KASH5: variants seen among roughly 807,000 people sequenced by gnomAD.
KASH5 encodes protein KASH5.
KASH5 carries 72 observed loss-of-function variants against 84.2 expected under a neutral mutation model. The ratio of observed to expected loss-of-function variants is 0.85; its 90% CI spans 0.71 to 1.04. The LOEUF (loss-of-function observed/expected upper bound fraction) is 1.04, where lower values mean the gene tolerates loss of function less well. KASH5 is among the 50% of genes least tolerant of loss of function. KASH5 has a pLI of 0.00. For missense variants in KASH5, 650 were observed against 701.0 expected (o/e 0.93, Z 0.82); for synonymous variants, 260 against 279.1 (o/e 0.93, Z 0.68).
chr19:49,407,612 C>A lies in KASH5; in HGVS notation c.934C>A (p.Arg312Ser). 1 of 1,593,528 alleles carries A rather than the reference C, an allele frequency of 6.3e-7. No individual in the cohort carries two copies. The highest frequency in any genetic ancestry group is 8.5e-7 in the Non-Finnish European group (1 of 1,170,300). ...ICQRDTILSE[R>S]TRDVESLAQT... ...CTCATTTGGCTTTCGGCTTTCCTAG[C>A]GCACTCGCGATGTGGAGAGCCTGGC... Residue 312 changes from arginine to serine, a missense_variant and splice_region_variant, in exon 12 of 20, where the codon CGC becomes AGC. Physicochemically the swap from Arg to Ser is moderately radical, Grantham distance 110. Transcript: ENST00000447857.
chr19:49,394,678 C>G, intron 3 of KASH5, 98 bp downstream of exon 3: 1 of 887,670 alleles, frequency 1.1e-6, no homozygotes, highest in Non-Finnish European at 1.8e-6. Flanking sequence ...GCTAAGGCCC[C>G]CTCTTGGGGG....
In KASH5 at chr19:49,399,174, T is replaced by C. The variant is rs1201583296; in HGVS notation, c.747+32T>C. 1 of 1,512,368 alleles carries C rather than the reference T, an allele frequency of 6.6e-7. No individual in the cohort carries two copies. The highest frequency in any genetic ancestry group is 1.4e-5 in the African/African-American group (1 of 71,434). The allele number at this position is 1,512,368 out of a possible 1,614,324, so 93.7% of individuals were successfully genotyped here. Reference sequence around the variant, plus strand: ...CTGGCCCAGGGGAAGGAAGGTGCCCTCTCTCTTCTTTGTTTCCTGGAGTCA... The same window carrying C: ...CTGGCCCAGGGGAAGGAAGGTGCCCCCTCTCTTCTTTGTTTCCTGGAGTCA... On this transcript the variant is annotated intron_variant, in intron 8 of 19. Transcript: ENST00000447857. This position sits in a 1 kb window ranked among gnomAD's most constrained non-coding sequence, Gnocchi z 4.4.
rs1177735545 is a variant in KASH5 at position 49,409,265 on chromosome 19, G to C, written c.1128G>C (p.Glu376Asp). Residue 376 changes from glutamate (E) to aspartate (D), a missense_variant, in exon 14 of 20, where the codon GAG (glutamate) becomes GAC (aspartate). Transcript: ENST00000447857. ...TELLPPSLGLEIEAIRQKQEV... is the reference protein window; with the variant it reads ...TELLPPSLGLDIEAIRQKQEV... ...TGCTACCCCCATCGCTGGGCTTGGA[G>C]ATCGAGGCCATTCGACAGGTGGGCC... The C allele has an allele frequency of 6.2e-7, 1 of 1,613,930 alleles. No individual in the cohort carries two copies. Among genetic ancestry groups the C allele is most frequent in the Non-Finnish European group, 8.5e-7 (1 of 1,179,854 alleles).
chr19:49,415,925 TGGGGGTAG>T (rs1333367844), intron 17 of KASH5, among the ~76,000 whole-genome samples: 2 of 152,070 alleles, frequency 1.3e-5, no homozygotes, highest in Non-Finnish European at 2.9e-5. Flanking sequence ...TAAAAAGGTA[TGGGGGTAG>T]GAAAGCCAAA....
In KASH5 at chr19:49,412,905, CT is replaced by C. The variant is rs1046676587; in HGVS notation, c.1270-62del. On this transcript the variant is annotated intron_variant, in intron 15 of 19. Coordinates refer to ENST00000447857, the MANE Select transcript of KASH5 (RefSeq NM_144688.5). This position sits in a 1 kb window ranked among gnomAD's most constrained non-coding sequence, Gnocchi z 4.6. ...GGACCGGCGGGGGAGACAGTGGGCA[CT>C]GTTAGGGTTGGAGCTTTGAGTGAGA... The C allele has an allele frequency of 1.2e-5, 18 of 1,552,638 alleles. No individual in the cohort carries two copies. Among genetic ancestry groups the C allele is most frequent in the Middle Eastern group, 1.7e-4 (1 of 5,916 alleles).
chr19:49,411,670 C>T (rs538283873), intron 15 of KASH5, among the ~76,000 whole-genome samples: 57 of 152,094 alleles, frequency 3.7e-4, no homozygotes, highest in Non-Finnish European at 6.9e-4. Context: ...GCGATGGGCC[C>T]AGGGATACAG....
In KASH5 at chr19:49,407,288, C is replaced by G; in HGVS notation, c.925C>G (p.Leu309Val). Residue 309 changes from leucine (L) to valine (V), a missense_variant, in exon 11 of 20, where the codon CTC (leucine) becomes GTC (valine). Transcript: ENST00000447857. The part of the protein sequence containing the change: ...EHLICQRDTI[L>V]SERTRDVESL... ...CCTCATTTGCCAAAGAGACACCATC[C>G]TCTCTGAGGTAAGGGGCCCCGGGAG... The G allele has an allele frequency of 6.2e-7, 1 of 1,613,860 alleles. No homozygotes were observed. The highest frequency in any genetic ancestry group is 1.7e-5 in the Admixed American group (1 of 60,006).
chr19:49,397,538 C>A lies in KASH5; in HGVS notation c.401-113C>A, dbSNP rs1600906990. 4.4e-6 allele frequency: 4 copies of A among 908,302 alleles called. No individual in the cohort carries two copies. In the East Asian group the frequency reaches 7.3e-5, roughly 17 times the overall value. The allele number at this position is 908,302 out of a possible 1,614,324, so 56.3% of individuals were successfully genotyped here. On this transcript the variant is annotated intron_variant, in intron 5 of 19. Transcript: ENST00000447857. The stretch of plus-strand genomic sequence containing the variant: ...TGCAGCCCCAAAAGCCCATGAGATT[C>A]TCCAGAGCACAGGTGAGGGTGGAGG...
At chr19:49,397,761 T>A in intron 6 of KASH5, 44 bp downstream of exon 6, 1 of 1,596,686 alleles carries the variant, frequency 6.3e-7, no homozygotes, top group South Asian at 1.1e-5. Flanking sequence ...GCCCACACCC[T>A]GTCCCCTCCA....
Position 49,395,672 on chromosome 19 carries a change from C to G in KASH5, c.336-97C>G. Reference sequence around the variant, plus strand: ...CCTGTGGTGCCAGCTCTCACCTGACCCGGTCCCCTCCTCCCACCTGCAATC... The same window carrying G: ...CCTGTGGTGCCAGCTCTCACCTGACGCGGTCCCCTCCTCCCACCTGCAATC... On this transcript the variant is annotated intron_variant, in intron 4 of 19. Transcript: ENST00000447857. The surrounding 1 kb of genome is among the most constrained non-coding windows in gnomAD (Gnocchi z 4.4). 3 of 1,271,348 alleles carry G rather than the reference C, an allele frequency of 2.4e-6. No individual in the cohort carries two copies. In the South Asian group the frequency reaches 4.0e-5, roughly 17 times the overall value. 78.8% of individuals were successfully genotyped at this position (1,271,348 alleles called of 1,614,324 possible). A position where few individuals can be genotyped will look rare whatever the true frequency, so the allele number is the denominator to read the frequency against.
At chr19:49,413,517 C>G (rs1295819328) in intron 16 of KASH5, among the ~76,000 whole-genome samples, 1 of 152,160 alleles carries the variant, frequency 6.6e-6, no homozygotes, top group African/African-American at 2.4e-5. Context: ...CCCTCTCCCC[C>G]TCCCCTCTTT....
intron 17 of KASH5, 96 bp downstream of exon 17, chr19:49,415,092 C>A: frequency 8.5e-7 from 1 of 1,174,612 alleles, no homozygotes; most frequent in Non-Finnish European, 1.2e-6. Flanking sequence ...GCCTCACACT[C>A]CAACTCCTCA....
chr19:49,412,944 G>T lies in KASH5; in HGVS notation c.1270-24G>T, dbSNP rs996869846. ...GCTTTGAGTGAGAAGAATCAGAGAA[G>T]AACTAACCTTTTTGTTTCCACAGAG... On this transcript the variant is annotated intron_variant, in intron 15 of 19. Coordinates refer to ENST00000447857, the MANE Select transcript of KASH5 (RefSeq NM_144688.5). The surrounding 1 kb of genome is among the most constrained non-coding windows in gnomAD (Gnocchi z 4.6). The T allele has an allele frequency of 5.0e-6, 8 of 1,613,100 alleles. No homozygotes were observed. Among genetic ancestry groups the T allele is most frequent in the Admixed American group, 1.7e-5 (1 of 59,984 alleles).
intron 5 of KASH5, 92 bp from the exon 6 acceptor site, chr19:49,397,559 G>A (rs1974220623): frequency 1.8e-6 from 2 of 1,092,872 alleles, no homozygotes; most frequent in Non-Finnish European, 2.8e-6. Flanking sequence ...AGGTGAGGGT[G>A]GAGGCAGATG....
Position 49,416,552 on chromosome 19 carries a change from G to C in KASH5, c.1375-463G>C, listed in dbSNP as rs911023952. On this transcript the variant is annotated intron_variant, in intron 17 of 19. Coordinates refer to ENST00000447857, the MANE Select transcript of KASH5 (RefSeq NM_144688.5). This position sits in a 1 kb window ranked among gnomAD's most constrained non-coding sequence, Gnocchi z 5.4. ...GATTCTGGCATAGGCAGGAAGACAG[G>C]ATTCTTCATGAGGCCCAGCACAGGG... Among the ~76,000 whole-genome samples the C allele has an allele frequency of 2.0e-5, 3 of 152,308 alleles. No individual in the cohort carries two copies. Among genetic ancestry groups the C allele is most frequent in the East Asian group, 1.9e-4 (1 of 5,180 alleles).
In KASH5 at chr19:49,409,002, G is replaced by A. The variant is rs1445749819; in HGVS notation, c.1029G>A (p.Gln343=). The A allele has an allele frequency of 6.3e-7, 1 of 1,593,464 alleles. No homozygotes were observed. The highest frequency in any genetic ancestry group is 8.5e-7 in the Non-Finnish European group (1 of 1,170,154). ...LRLEISRLEE[Q]LSQTYEGPDE... The stretch of plus-strand genomic sequence containing the variant: ...TGGAGATTTCACGCCTGGAGGAGCA[G>A]CTGAGTCAGACCTATGAGGGGCCCG... Residue 343 remains glutamine, a synonymous_variant, in exon 13 of 20, where the codon CAG becomes CAA. Transcript: ENST00000447857.
intron 3 of KASH5, 75 bp downstream of exon 3, chr19:49,394,655 G>T (rs1399825227): frequency 3.4e-6 from 4 of 1,164,026 alleles, no homozygotes; most frequent in Non-Finnish European, 5.1e-6. Context: ...GGGAGCCTCA[G>T]AGAGAAGACT....
rs1252357859 is a variant in KASH5 at position 49,414,534 on chromosome 19, T to TC, written c.1329-414dup. 2.0e-5 allele frequency among the ~76,000 whole-genome samples: 3 copies of TC among 152,060 alleles called. No individual in the cohort carries two copies. The highest frequency in any genetic ancestry group is 2.0e-4 in the Admixed American group (3 of 15,264). On this transcript the variant is annotated intron_variant, in intron 16 of 19. Coordinates refer to ENST00000447857, the MANE Select transcript of KASH5 (RefSeq NM_144688.5). The surrounding 1 kb of genome is among the most constrained non-coding windows in gnomAD (Gnocchi z 4.5). The stretch of plus-strand genomic sequence containing the variant: ...GGGTGAGAGAGCCAGAAGCCTCAGT[T>TC]CCCAGCTGGGGGATCTGCTGGGGAA...
intron 17 of KASH5, chr19:49,415,266 G>C (rs1352765710): frequency 1.3e-5 from 7 of 547,078 alleles, no homozygotes; most frequent in Non-Finnish European, 2.3e-5. Flanking sequence ...CCACACCGCA[G>C]GCCTCATAGA....
Sources: gnomAD v4.1 joint callset for allele counts (sites outside exome capture counted in the v4.1 genomes callset) on GRCh38, gnomAD v4.1.1 for gene constraint, Gnocchi (gnomAD v3.1) non-coding constraint, MANE v1.5 for transcripts, NCBI Gene and HGNC (gene_info 2026-07-23, HGNC 2026-07-21) for gene names.